Variants in ANKS1B observed in about 807,000 individuals in gnomAD.
ANKS1B encodes the protein ankyrin repeat and sterile alpha motif domain containing 1B, also known as ankyrin repeat and sterile alpha motif domain-containing protein 1B.
In ANKS1B, 36 loss-of-function variants were observed where a neutral mutation model predicts 148.3. That is an observed-to-expected ratio of 0.24 (90% CI 0.19 to 0.32). ANKS1B has a LOEUF of 0.32. Ranked by LOEUF, ANKS1B falls within the 10% of genes least tolerant of loss-of-function variation. The pLI, the probability that ANKS1B is intolerant of heterozygous loss-of-function variation, is 1.00. For missense variants in ANKS1B, 1,157 were observed against 1,542.6 expected (o/e 0.75, Z 4.19); for synonymous variants, 542 against 560.8 (o/e 0.97, Z 0.47).
At chr12:98,974,880 C>T (rs1290847620) in intron 17 of ANKS1B, among the ~76,000 whole-genome samples, 1 of 151,344 alleles carries the variant, frequency 6.6e-6, no homozygotes. Context: ...TTCCCTATCT[C>T]CATCCCTCCC....
At chr12:99,775,317 A>G (rs1458697256) in intron 7 of ANKS1B, among the ~76,000 whole-genome samples, 2 of 151,768 alleles carry the variant, frequency 1.3e-5, no homozygotes, top group East Asian at 3.8e-4. Context: ...CACATTTAAG[A>G]AAAAAACACA....
At chr12:99,728,769 G>A (rs577264024) in intron 8 of ANKS1B, among the ~76,000 whole-genome samples, 2 of 152,110 alleles carry the variant, frequency 1.3e-5, no homozygotes, top group African/African-American at 2.4e-5. Flanking sequence ...AAATATACAC[G>A]ATGGAATACT....
At position 99,492,601 on chromosome 12, in the gene ANKS1B, A is replaced by G. The variant is rs150048556; in HGVS notation, c.1438+11875T>C. Among the ~76,000 whole-genome samples, 1,275 of 152,256 alleles carry G rather than the reference A, an allele frequency of 8.4e-3. 14 individuals are homozygous for G. The highest frequency in any genetic ancestry group is 0.029 in the African/African-American group (1,225 of 41,554). ...ACCTGCCAGAAGCACAATAAAAACA[A>G]GAAACTTCAGGCCAATATACTTGAT... On this transcript the variant is annotated intron_variant, in intron 10 of 26. Transcript: ENST00000683438.
intron 20 of ANKS1B, among the ~76,000 whole-genome samples, chr12:98,802,594 C>CTTTTTTTTTTTTTTTTTTTTTTTTTTTTT (rs397850118): frequency 2.9e-5 from 1 of 34,758 alleles, no homozygotes; most frequent in African/African-American, 1.1e-4. Context: ...AATGCACAGG[C>CTTTTTTTTTTTTTTTTTTTTTTTTTTTTT]TTTTTTTTTT....
chr12:98,734,983 C>G (rs911988109), exon 10 of ANKS1B: 1 of 385,388 alleles, frequency 2.6e-6, no homozygotes, highest in Admixed American at 4.5e-5. Context: ...TGCGGTGGCA[C>G]GTGCCTGTAA....
chr12:98,929,818 T>C (rs1348007991), intron 17 of ANKS1B, among the ~76,000 whole-genome samples: 1 of 151,990 alleles, frequency 6.6e-6, no homozygotes, highest in East Asian at 1.9e-4. Context: ...TAAATGAAAA[T>C]GCTAACACTA....
intron 11 of ANKS1B, among the ~76,000 whole-genome samples, chr12:99,403,891 C>A (rs1205993997): frequency 6.8e-6 from 1 of 146,136 alleles, no homozygotes; most frequent in Non-Finnish European, 1.5e-5. Context: ...CACTGCAGCA[C>A]TATTCACAAC....
At position 98,751,889 on chromosome 12, in the gene ANKS1B, A is replaced by G. The variant is rs1036718329; in HGVS notation, c.3580-367T>C. On this transcript the variant is annotated intron_variant, in intron 25 of 26. Coordinates refer to ENST00000683438, the MANE Select transcript of ANKS1B (RefSeq NM_001352186.2). The surrounding 1 kb of genome is among the most constrained non-coding windows in gnomAD (Gnocchi z 4.3). ...TTGCCCAAAAGGAAATTTCCTGTGG[A>G]CAAAAGACAGAGCTCAAAGTCATGC... Among the ~76,000 whole-genome samples, 20 of 152,258 alleles carry G rather than the reference A, an allele frequency of 1.3e-4. No homozygotes were observed. Among genetic ancestry groups the G allele is most frequent in the Non-Finnish European group, 2.6e-4 (18 of 68,038 alleles).
chr12:98,816,681 T>C (rs566593761), intron 19 of ANKS1B, among the ~76,000 whole-genome samples: 2 of 152,342 alleles, frequency 1.3e-5, no homozygotes, highest in South Asian at 4.1e-4. Context: ...TAGTTACTGG[T>C]CATCTACTGT....
chr12:99,536,469 C>T (rs2097068219), intron 9 of ANKS1B, among the ~76,000 whole-genome samples: 1 of 152,066 alleles, frequency 6.6e-6, no homozygotes, highest in African/African-American at 2.4e-5. Context: ...GTTCTTAGCT[C>T]CTTTCATGCT....
chr12:98,883,446 T>C (rs118091735), intron 17 of ANKS1B, among the ~76,000 whole-genome samples: 2,636 of 152,308 alleles, frequency 0.017, 77 homozygotes, highest in East Asian at 0.12. Context: ...CCACTCATCA[T>C]TGCAACAAAC....
chr12:99,336,114 C>T (rs1438699141), intron 12 of ANKS1B, among the ~76,000 whole-genome samples: 1 of 152,014 alleles, frequency 6.6e-6, no homozygotes, highest in Non-Finnish European at 1.5e-5. Context: ...TCTCTGATAA[C>T]CAATAACGTT....
At chr12:99,475,748 T>G (rs2096308723) in intron 10 of ANKS1B, among the ~76,000 whole-genome samples, 1 of 151,850 alleles carries the variant, frequency 6.6e-6, no homozygotes, top group Admixed American at 6.6e-5. Flanking sequence ...CAGAAAAGAT[T>G]ATACAGCTAC....
At chr12:99,331,677 C>G (rs1011554189) in intron 12 of ANKS1B, among the ~76,000 whole-genome samples, 3 of 151,910 alleles carry the variant, frequency 2.0e-5, no homozygotes, top group African/African-American at 7.2e-5. Flanking sequence ...AAAGGAAAAA[C>G]TATTTTGGGT....
chr12:99,382,720 AGAGAG>A (rs2093693949), intron 12 of ANKS1B, among the ~76,000 whole-genome samples: 1 of 25,248 alleles, frequency 4.0e-5, no homozygotes, highest in African/African-American at 1.4e-4. Context: ...AAAAAAAAAG[AGAGAG>A]AGAGAGAGAG....
chr12:99,275,819 A>C (rs1283757814), intron 12 of ANKS1B, among the ~76,000 whole-genome samples: 2 of 152,224 alleles, frequency 1.3e-5, no homozygotes, highest in Non-Finnish European at 2.9e-5. Context: ...GTATAGATGG[A>C]AAGATGTTAT....
At chr12:99,083,149 A>T (rs1319835238) in intron 16 of ANKS1B, among the ~76,000 whole-genome samples, 1 of 152,196 alleles carries the variant, frequency 6.6e-6, no homozygotes, top group African/African-American at 2.4e-5. Context: ...TATCAGTAGA[A>T]ATTCAATTCA....
chr12:99,188,142 T>TAAC (rs1423759872), intron 14 of ANKS1B, among the ~76,000 whole-genome samples: 1 of 152,192 alleles, frequency 6.6e-6, no homozygotes, highest in Non-Finnish European at 1.5e-5. Context: ...CAAAAAGAGC[T>TAAC]AACTATTCTA....
chr12:99,244,297 C>T (rs541134980), intron 14 of ANKS1B, 45 bp downstream of exon 14: 2 of 1,363,076 alleles, frequency 1.5e-6, no homozygotes, highest in Non-Finnish European at 2.1e-6. Flanking sequence ...CTCACTACTC[C>T]TTAAGCACAT....
Sources: gnomAD v4.1 joint callset for allele counts (sites outside exome capture counted in the v4.1 genomes callset) on GRCh38, gnomAD v4.1.1 for gene constraint, Gnocchi (gnomAD v3.1) non-coding constraint, MANE v1.5 for transcripts, NCBI Gene and HGNC (gene_info 2026-07-23, HGNC 2026-07-21) for gene names.